ASTN2: variants seen among roughly 807,000 people sequenced by gnomAD.
The protein encoded by ASTN2 is astrotactin 2.
ASTN2 carries 54 observed loss-of-function variants against 139.8 expected under a neutral mutation model. The ratio of observed to expected loss-of-function variants is 0.39; its 90% CI spans 0.31 to 0.48. ASTN2 has a LOEUF of 0.48. ASTN2 is among the 20% of genes least tolerant of loss of function. The pLI is 0.95. For synonymous variants in ASTN2, 756 were observed against 719.5 expected (o/e 1.05, Z -0.81); for missense variants, 1,565 against 1,725.1 (o/e 0.91, Z 1.64).
intron 19 of ASTN2, among the ~76,000 whole-genome samples, chr9:116,566,529 A>G (rs1588014481): frequency 6.6e-6 from 1 of 152,344 alleles, no homozygotes; most frequent in Admixed American, 6.5e-5. Flanking sequence ...CACATAGGTT[A>G]GGTGCTTAGA....
At chr9:116,733,668 G>T in intron 13 of ASTN2, 145 bp from the exon 14 acceptor site, 1 of 1,084,544 alleles carries the variant, frequency 9.2e-7, no homozygotes, top group Non-Finnish European at 1.3e-6. Flanking sequence ...CTGAATCCCA[G>T]CTCTGAGAAC....
intron 19 of ASTN2, among the ~76,000 whole-genome samples, chr9:116,494,273 T>A (rs531827423): frequency 3.3e-5 from 5 of 152,180 alleles, no homozygotes; most frequent in Non-Finnish European, 7.3e-5. Context: ...TCTCAGAGAC[T>A]GCTTCTTCAT....
chr9:116,745,223 C>A (rs1467885014), intron 13 of ASTN2, among the ~76,000 whole-genome samples: 1 of 152,206 alleles, frequency 6.6e-6, no homozygotes, highest in African/African-American at 2.4e-5. Context: ...ATTGGACTGA[C>A]TACCAATCCC....
chr9:116,749,768 G>T (rs1829349781), intron 13 of ASTN2, among the ~76,000 whole-genome samples: 1 of 152,164 alleles, frequency 6.6e-6, no homozygotes, highest in Non-Finnish European at 1.5e-5. Context: ...CATCCCGTTG[G>T]TGACAAGTGA....
chr9:116,858,395 G>C (rs1345542475), intron 11 of ASTN2, among the ~76,000 whole-genome samples: 1 of 152,144 alleles, frequency 6.6e-6, no homozygotes, highest in Non-Finnish European at 1.5e-5. Context: ...TTCCTGTGCT[G>C]GGAAAACCAG....
At chr9:116,811,622 G>C (rs774446558) in intron 12 of ASTN2, among the ~76,000 whole-genome samples, 8 of 152,154 alleles carry the variant, frequency 5.3e-5, no homozygotes, top group Non-Finnish European at 1.0e-4. Flanking sequence ...GATCAAGTCT[G>C]CTAATTTCCG....
chr9:116,679,681 A>T (rs1159817577), intron 16 of ASTN2, among the ~76,000 whole-genome samples: 1 of 152,166 alleles, frequency 6.6e-6, no homozygotes, highest in African/African-American at 2.4e-5. Context: ...GTCTCTCAGA[A>T]CACAGTGCAA....
In ASTN2 at chr9:117,142,408, A is replaced by G. The variant is rs537376216; in HGVS notation, c.1016-930T>C. Among the ~76,000 whole-genome samples, 23 of 152,176 alleles carry G rather than the reference A, an allele frequency of 1.5e-4. 1 individual carries two copies. Among genetic ancestry groups the G allele is most frequent in the Non-Finnish European group, 2.8e-4 (19 of 68,042 alleles). ...AGCGAAGGTGACACAATATCTTAGG[A>G]GACACAACCACAGTACTGTGGATAT... On this transcript the variant is annotated intron_variant, in intron 3 of 22. Coordinates refer to ENST00000313400, the MANE Select transcript of ASTN2 (RefSeq NM_001365068.1).
chr9:117,065,780 T>C (rs970548551), intron 5 of ASTN2, among the ~76,000 whole-genome samples: 1 of 152,122 alleles, frequency 6.6e-6, no homozygotes. Context: ...TCCCCTAACT[T>C]GAAGTCTATT....
chr9:116,609,952 T>A (rs922961495), intron 19 of ASTN2, among the ~76,000 whole-genome samples: 1 of 151,898 alleles, frequency 6.6e-6, no homozygotes, highest in Non-Finnish European at 1.5e-5. Flanking sequence ...TAAATTTTTT[T>A]AAAAAAGAGT....
chr9:117,076,994 A>G (rs1828298190), intron 5 of ASTN2, among the ~76,000 whole-genome samples: 1 of 152,086 alleles, frequency 6.6e-6, no homozygotes, highest in South Asian at 2.1e-4. Context: ...AGCACTTTTA[A>G]TTTAATTTTG....
At chr9:117,010,449 C>A (rs540118403) in intron 6 of ASTN2, among the ~76,000 whole-genome samples, 14 of 152,116 alleles carry the variant, frequency 9.2e-5, no homozygotes, top group Admixed American at 9.2e-4. Flanking sequence ...TTTGGTTAAA[C>A]CCTCTACTTC....
intron 11 of ASTN2, among the ~76,000 whole-genome samples, chr9:116,862,309 T>A (rs761367620): frequency 7.9e-5 from 12 of 152,182 alleles, no homozygotes; most frequent in Non-Finnish European, 1.2e-4. Context: ...CTTTATTTAC[T>A]GAGATGGGTA....
At chr9:117,123,094 C>A (rs917498057) in intron 4 of ASTN2, among the ~76,000 whole-genome samples, 4 of 152,068 alleles carry the variant, frequency 2.6e-5, no homozygotes, top group Non-Finnish European at 5.9e-5. Flanking sequence ...AATCATGTAT[C>A]AGGATCACCT....
At chr9:117,003,556 T>TGTGTGTGTGTGTGTGTG (rs1412820236) in intron 7 of ASTN2, among the ~76,000 whole-genome samples, 21 of 147,024 alleles carry the variant, frequency 1.4e-4, no homozygotes, top group Admixed American at 2.7e-4. Context: ...TGTGTGTGTA[T>TGTGTGTGTGTGTGTGTG]TTAAATCTAG....
rs1174964924 is a variant in ASTN2, at chr9:117,031,655, C to G, written c.1423+8164G>C. ...TCAAGGAGAATGATTCATAAGGGAG[C>G]TAACAGAGGCATTACCCTAGGGTAA... On this transcript the variant is annotated intron_variant, in intron 6 of 22. Coordinates refer to ENST00000313400, the MANE Select transcript of ASTN2 (RefSeq NM_001365068.1). 2.6e-5 allele frequency among the ~76,000 whole-genome samples: 4 copies of G among 151,902 alleles called. No homozygotes were observed. The South Asian group carries it at 6.3e-4, about 24-fold the overall frequency.
intron 1 of ASTN2, among the ~76,000 whole-genome samples, chr9:117,395,584 T>C (rs751564929): frequency 2.0e-5 from 3 of 152,130 alleles, no homozygotes; most frequent in Non-Finnish European, 4.4e-5. Flanking sequence ...GTGTTCTGAG[T>C]TCTGTGTTCA....
At chr9:116,815,342 G>C (rs942139233) in intron 12 of ASTN2, among the ~76,000 whole-genome samples, 3 of 152,122 alleles carry the variant, frequency 2.0e-5, no homozygotes, top group Admixed American at 2.0e-4. Flanking sequence ...GGCTGGATGT[G>C]TTATTTGAGC....
chr9:117,029,635 CCA>C (rs1564392390), intron 6 of ASTN2, among the ~76,000 whole-genome samples: 1 of 151,412 alleles, frequency 6.6e-6, no homozygotes. Context: ...TCTGAGCATG[CCA>C]CAGAGAGTAT....
Sources: gnomAD v4.1 joint callset for allele counts (sites outside exome capture counted in the v4.1 genomes callset) on GRCh38, gnomAD v4.1.1 for gene constraint, MANE v1.5 for transcripts, NCBI Gene and HGNC (gene_info 2026-07-23, HGNC 2026-07-21) for gene names.